Variants in MAP2K1 observed in about 807,000 individuals in gnomAD.
MAP2K1 encodes the protein dual specificity mitogen-activated protein kinase kinase 1.
A neutral mutation model predicts 46.3 loss-of-function variants in MAP2K1; 16 were observed. The observed-to-expected ratio is 0.35, with a 90% CI of 0.23 to 0.52. The LOEUF (loss-of-function observed/expected upper bound fraction) is 0.52, where lower values mean the gene tolerates loss of function less well. MAP2K1 is among the 20% of genes least tolerant of loss of function. MAP2K1 has a pLI of 0.94. For synonymous variants in MAP2K1, 183 were observed against 185.6 expected, an observed-to-expected ratio of 0.99 and a Z score of 0.11; for missense variants, 263 against 497.1, an observed-to-expected ratio of 0.53 and a Z score of 4.48.
At chr15:66,420,329 G>A (rs1176318672) in intron 1 of MAP2K1, among the ~76,000 whole-genome samples, 1 of 151,958 alleles carries the variant, frequency 6.6e-6, no homozygotes, top group Non-Finnish European at 1.5e-5. Flanking sequence ...CACTTTGGGA[G>A]GCCAAGGTGG....
intron 1 of MAP2K1, among the ~76,000 whole-genome samples, chr15:66,395,737 G>A (rs546519922): frequency 3.3e-5 from 5 of 151,134 alleles, no homozygotes; most frequent in Non-Finnish European, 4.4e-5. Flanking sequence ...CCACCACGCC[G>A]GGCTAATTCT....
intron 3 of MAP2K1, 88 bp downstream of exon 3, chr15:66,436,980 A>T (rs2140584971): frequency 2.2e-6 from 3 of 1,360,718 alleles, no homozygotes; most frequent in African/African-American, 1.4e-5. Context: ...GTGACCAGCT[A>T]CCTCCCTGCT....
At chr15:66,486,843 A>G (rs1488569734) in intron 7 of MAP2K1, among the ~76,000 whole-genome samples, 1 of 152,180 alleles carries the variant, frequency 6.6e-6, no homozygotes, top group African/African-American at 2.4e-5. Context: ...ACTCTAGGAG[A>G]CAAAAGGAAG....
chr15:66,421,883 C>CT (rs35469194), intron 1 of MAP2K1, among the ~76,000 whole-genome samples: 90,478 of 143,094 alleles, frequency 0.63, 28,856 homozygotes, highest in East Asian at 0.81. Context: ...CCCTCTTTCT[C>CT]TTTTTTTTTT....
intron 3 of MAP2K1, among the ~76,000 whole-genome samples, chr15:66,440,474 T>G (rs1178250185): frequency 6.6e-6 from 1 of 152,202 alleles, no homozygotes; most frequent in Admixed American, 6.5e-5. Flanking sequence ...GGGGCTGATC[T>G]TTCCTAGAAA....
At chr15:66,407,645 G>A (rs1405308313) in intron 1 of MAP2K1, among the ~76,000 whole-genome samples, 2 of 152,182 alleles carry the variant, frequency 1.3e-5, no homozygotes, top group Non-Finnish European at 2.9e-5. Flanking sequence ...AGAAATCTTG[G>A]TTGTCTTCTG....
chr15:66,417,392 G>A (rs1354165638), intron 1 of MAP2K1, among the ~76,000 whole-genome samples: 1 of 152,086 alleles, frequency 6.6e-6, no homozygotes, highest in African/African-American at 2.4e-5. Flanking sequence ...GCAACATAGT[G>A]AAACCCTGTC....
In MAP2K1 at chr15:66,469,472, C is replaced by CTTTTTTTTT. The variant is rs370379739; in HGVS notation, c.569-12264_569-12256dup. Among the ~76,000 whole-genome samples, 110 of 76,636 alleles carry CTTTTTTTTT rather than the reference C, an allele frequency of 1.4e-3. 6 individuals carry two copies. The highest frequency in any genetic ancestry group is 5.3e-3 in the African/African-American group (96 of 18,008). The allele number at this position is 76,636 out of a possible 152,430, so 50.3% of individuals were successfully genotyped here. On this transcript the variant is annotated intron_variant, in intron 5 of 10. Coordinates refer to ENST00000307102, the MANE Select transcript of MAP2K1 (RefSeq NM_002755.4). ...TCCCCCAAAGGGAGTCTGGTGCCTCCTTTTTTTTTTTTTTTTTTTTTTTTT... is the reference window on the plus strand; with the variant it reads ...TCCCCCAAAGGGAGTCTGGTGCCTCCTTTTTTTTTTTTTTTTTTTTTTTTTTTTTTTTTT...
At chr15:66,455,297 T>A (rs774016073) in intron 5 of MAP2K1, among the ~76,000 whole-genome samples, 4 of 152,202 alleles carry the variant, frequency 2.6e-5, no homozygotes, top group Non-Finnish European at 5.9e-5. Flanking sequence ...CAAAAATAGT[T>A]TATAACACAA....
At chr15:66,484,697 A>C (rs1322161649) in intron 6 of MAP2K1, among the ~76,000 whole-genome samples, 1 of 152,216 alleles carries the variant, frequency 6.6e-6, no homozygotes, top group Admixed American at 6.5e-5. Context: ...AGCTGGGTAA[A>C]GCTGGAACCA....
At chr15:66,415,213 T>C in intron 1 of MAP2K1, 1 of 486,142 alleles carries the variant, frequency 2.1e-6, no homozygotes, top group Admixed American at 2.2e-5. Flanking sequence ...GGAGTCCTGG[T>C]GTCCACTGTC....
rs142126638 is a variant in MAP2K1 at position 66,438,654 on chromosome 15, G to GT, written c.438+1767dup. 7.1e-3 allele frequency among the ~76,000 whole-genome samples: 1,085 copies of GT among 152,274 alleles called. 49 individuals carry two copies. The highest frequency in any genetic ancestry group is 0.061 in the Admixed American group (938 of 15,288). ...GCCCATTTCCAGTGACTGCAGGTCA[G>GT]TTTTTCCCCCCATGGATTTGGCTCT... On this transcript the variant is annotated intron_variant, in intron 3 of 10. Coordinates refer to ENST00000307102, the MANE Select transcript of MAP2K1 (RefSeq NM_002755.4).
intron 1 of MAP2K1, among the ~76,000 whole-genome samples, chr15:66,394,071 A>T (rs1386304382): frequency 6.6e-6 from 1 of 152,182 alleles, no homozygotes; most frequent in African/African-American, 2.4e-5. Context: ...TGTGTAGAAC[A>T]GATTCTGGCA....
At chr15:66,411,839 C>G (rs1257247262) in intron 1 of MAP2K1, among the ~76,000 whole-genome samples, 3 of 152,194 alleles carry the variant, frequency 2.0e-5, no homozygotes, top group Non-Finnish European at 4.4e-5. Flanking sequence ...CACATTCCCA[C>G]CCATTCTCTG....
chr15:66,391,217 A>T (rs748982777), intron 1 of MAP2K1, among the ~76,000 whole-genome samples: 1 of 151,978 alleles, frequency 6.6e-6, no homozygotes, highest in Non-Finnish European at 1.5e-5. Flanking sequence ...AATAAGACTT[A>T]ATCATTGTAA....
chr15:66,438,273 G>A (rs1427283553), intron 3 of MAP2K1, among the ~76,000 whole-genome samples: 2 of 151,804 alleles, frequency 1.3e-5, no homozygotes, highest in African/African-American at 2.4e-5. Flanking sequence ...ATCATTACTA[G>A]AGATGGGGTT....
chr15:66,438,462 G>C (rs1046721664), intron 3 of MAP2K1, among the ~76,000 whole-genome samples: 6 of 152,106 alleles, frequency 3.9e-5, no homozygotes, highest in African/African-American at 1.4e-4. Flanking sequence ...CCTTTTTTGA[G>C]ATGCTAGGTG....
chr15:66,486,525 G>C (rs1161097194), intron 7 of MAP2K1, among the ~76,000 whole-genome samples: 2 of 152,212 alleles, frequency 1.3e-5, no homozygotes, highest in Non-Finnish European at 2.9e-5. Flanking sequence ...CTGAGGCACA[G>C]TGCACTTGTC....
chr15:66,464,170 A>G (rs1249823197), intron 5 of MAP2K1, among the ~76,000 whole-genome samples: 1 of 152,200 alleles, frequency 6.6e-6, no homozygotes, highest in African/African-American at 2.4e-5. Flanking sequence ...CTCAGGTTTC[A>G]TCGGATCTCT....
Sources: allele counts gnomAD v4.1 joint callset (sites outside exome capture counted in the v4.1 genomes callset), GRCh38; gene constraint gnomAD v4.1.1; transcripts MANE v1.5; gene names NCBI Gene and HGNC (gene_info 2026-07-23, HGNC 2026-07-21).